MYH8: variants seen among roughly 807,000 people sequenced by gnomAD.
MYH8 encodes the protein myosin-8.
In MYH8, 168 loss-of-function variants were observed where a neutral mutation model predicts 233.2. The ratio of observed to expected loss-of-function variants is 0.72; its 90% CI spans 0.64 to 0.82. The LOEUF (loss-of-function observed/expected upper bound fraction) is 0.82. MYH8 is among the 40% of genes least tolerant of loss of function. The probability of loss-of-function intolerance (pLI) is 0.00; values close to 1 mark genes in which losing one functional copy is unlikely to be tolerated. For synonymous variants in MYH8, 785 were observed against 850.6 expected (o/e 0.92, Z 1.34); for missense variants, 1,995 against 2,327.8 (o/e 0.86, Z 2.94).
chr17:10,407,708 G>A (rs181259212), intron 17 of MYH8, among the ~76,000 whole-genome samples: 312 of 151,938 alleles, frequency 2.1e-3, no homozygotes, highest in African/African-American at 7.1e-3. Context: ...GTCTGGTGAC[G>A]GGTGCCTGTA....
intron 5 of MYH8, among the ~76,000 whole-genome samples, chr17:10,418,360 T>A (rs537820012): frequency 6.6e-6 from 1 of 152,320 alleles, no homozygotes; most frequent in Admixed American, 6.5e-5. Flanking sequence ...ACAATAAATA[T>A]GTTTACAGTG....
At chr17:10,414,958 C>T (rs1268668648) in intron 9 of MYH8, among the ~76,000 whole-genome samples, 158 bp downstream of exon 9, 1 of 152,200 alleles carries the variant, frequency 6.6e-6, no homozygotes, top group East Asian at 1.9e-4. Flanking sequence ...AAAGGGAGCA[C>T]TCAGTGGATT....
intron 14 of MYH8, among the ~76,000 whole-genome samples, chr17:10,411,226 A>T (rs374715967): frequency 6.6e-6 from 1 of 151,912 alleles, no homozygotes; most frequent in Non-Finnish European, 1.5e-5. Context: ...AATACAAAAA[A>T]TTATCTGGGT....
chr17:10,397,124 C>A, intron 30 of MYH8, 138 bp from the exon 31 acceptor site: 2 of 1,099,750 alleles, frequency 1.8e-6, no homozygotes, highest in South Asian at 1.5e-5. Context: ...CGCTCTGTCG[C>A]CCATGCTGGA....
intron 14 of MYH8, among the ~76,000 whole-genome samples, 178 bp downstream of exon 14, chr17:10,412,192 A>G (rs1388226502): frequency 6.6e-6 from 1 of 152,208 alleles, no homozygotes; most frequent in Non-Finnish European, 1.5e-5. Flanking sequence ...TGGCCCAGTG[A>G]GCGTTAGCTA....
Position 10,406,824 on chromosome 17 carries a change from G to T in MYH8, c.2054-17C>A. ...CCATTGCCCCTAAAAATATAGAACAGTACTTATTAGTGGGCATTTAACTTT... is the reference window on the plus strand; with the variant it reads ...CCATTGCCCCTAAAAATATAGAACATTACTTATTAGTGGGCATTTAACTTT... On this transcript the variant is annotated splice_polypyrimidine_tract_variant and intron_variant, in intron 18 of 39. Coordinates refer to ENST00000403437, the MANE Select transcript of MYH8 (RefSeq NM_002472.3). 6.2e-7 allele frequency: 1 copy of T among 1,612,752 alleles called. No homozygotes were observed. The highest frequency in any genetic ancestry group is 8.5e-7 in the Non-Finnish European group (1 of 1,178,784).
Position 10,394,271 on chromosome 17 carries a change from CGCTCACTG to C in MYH8, c.5136_5143del (p.Ser1713CysfsTer13), listed in dbSNP as rs1567681343. On this transcript the variant is annotated frameshift_variant, in exon 35 of 40. Coordinates refer to ENST00000403437, the MANE Select transcript of MYH8 (RefSeq NM_002472.3). LOFTEE classifies it high-confidence loss of function. ...CACCTGGGTGTGGAGGAGCTGGACACGCTCACTGGCATCCAGGAGCTCCTGTTCGGCGA... is the reference window on the plus strand; with the variant it reads ...CACCTGGGTGTGGAGGAGCTGGACACGCATCCAGGAGCTCCTGTTCGGCGA... 4 of 1,613,958 alleles carry C rather than the reference CGCTCACTG, an allele frequency of 2.5e-6. No homozygotes were observed. The Admixed American group carries it at 5.0e-5, about 20-fold the overall frequency.
At chr17:10,399,000 A>ATG in intron 28 of MYH8, 114 bp from the exon 29 acceptor site, 1 of 263,994 alleles carries the variant, frequency 3.8e-6, no homozygotes, top group Non-Finnish European at 6.8e-6. Context: ...GTGTGTATAT[A>ATG]TATATATATA....
chr17:10,408,816 G>A (rs1055744179), intron 17 of MYH8, among the ~76,000 whole-genome samples: 3 of 152,298 alleles, frequency 2.0e-5, no homozygotes, highest in African/African-American at 7.2e-5. Flanking sequence ...GGACAGCTTT[G>A]AAGTTTAGCT....
intron 20 of MYH8, 46 bp from the exon 21 acceptor site, chr17:10,406,223 G>A (rs779650126): frequency 2.5e-6 from 4 of 1,613,980 alleles, no homozygotes; most frequent in Non-Finnish European, 2.5e-6. Context: ...TGCAGGAGAT[G>A]CAGAAATGGC....
rs144477514 is a variant in MYH8, at chr17:10,413,934, C to T, written c.1115G>A (p.Arg372His). The change falls in exon 12 of 40, where the codon CGT becomes CAT. Residue 372 changes from arginine to histidine, a missense_variant. Arg to His is a conservative substitution (Grantham distance 29, BLOSUM62 0). Transcript: ENST00000403437. The part of the protein sequence containing the change: ...YGNMKFKQKQ[R>H]EEQAEPDGTE... Reference sequence around the variant, plus strand: ...GCCATCTGGCTCAGCTTGCTCCTCACGCTGCTTTTGCTTGAATTTCATGTT... The same window carrying T: ...GCCATCTGGCTCAGCTTGCTCCTCATGCTGCTTTTGCTTGAATTTCATGTT... 51 of 1,613,928 alleles carry T rather than the reference C, an allele frequency of 3.2e-5. No homozygotes were observed. Among genetic ancestry groups the T allele is most frequent in the East Asian group, 1.8e-4 (8 of 44,878 alleles).
At chr17:10,393,257 C>T (rs202102936) in intron 35 of MYH8, 47 bp from the exon 36 acceptor site, 18 of 1,613,148 alleles carry the variant, frequency 1.1e-5, no homozygotes, top group Admixed American at 5.0e-5. Flanking sequence ...AGTTTGCCCT[C>T]TTGGGATTTT....
At position 10,400,875 on chromosome 17, in the gene MYH8, C is replaced by T. The variant is rs748176514; in HGVS notation, c.3339G>A (p.Glu1113=). 1.2e-6 allele frequency: 2 copies of T among 1,613,854 alleles called. No homozygotes were observed. Among genetic ancestry groups the T allele is most frequent in the Non-Finnish European group, 1.7e-6 (2 of 1,180,018 alleles). Residue 1113 remains glutamate (E), a synonymous_variant, in exon 26 of 40, where the codon GAG becomes GAA. Transcript: ENST00000403437. This position sits in a 1 kb window ranked among gnomAD's most constrained non-coding sequence, Gnocchi z 4.0. The part of the protein sequence containing the change: ...VEIQLQKKIK[E]LQARIEELGE... Reference sequence around the variant, plus strand: ...TAGAGGTGAGATGACTCACCTGCAACTCTTTGATCTTCTTCTGTAGTTGAA... The same window carrying T: ...TAGAGGTGAGATGACTCACCTGCAATTCTTTGATCTTCTTCTGTAGTTGAA...
chr17:10,395,359 AT>A lies in MYH8; in HGVS notation c.4735del (p.Ile1579SerfsTer11). ...GTCAATTTCCTCATCCTTTTCTGCG[AT>A]TTTTCTATCAACTTCAGACTTGACT... is the stretch of plus-strand genomic sequence containing the variant. ...NQVKSEVDRK[I>X]AEKDEEIDQL... is the part of the protein sequence containing the mutation. On this transcript the variant is annotated frameshift_variant, in exon 34 of 40. Coordinates refer to ENST00000403437, the MANE Select transcript of MYH8 (RefSeq NM_002472.3). LOFTEE classifies it high-confidence loss of function. 1 of 1,613,960 alleles carries A rather than the reference AT, an allele frequency of 6.2e-7. No individual in the cohort carries two copies. The highest frequency in any genetic ancestry group is 1.1e-5 in the South Asian group (1 of 91,078).
chr17:10,420,884 C>CT (rs2072333212), intron 2 of MYH8, among the ~76,000 whole-genome samples: 1 of 152,090 alleles, frequency 6.6e-6, no homozygotes. Flanking sequence ...ATTCCAAAAT[C>CT]TTTTTTGACA....
At chr17:10,406,559 C>T (rs1425051843) in intron 19 of MYH8, 131 bp downstream of exon 19, 12 of 1,347,588 alleles carry the variant, frequency 8.9e-6, no homozygotes, top group Non-Finnish European at 1.3e-5. Context: ...TTTTCTGTTG[C>T]ATGCCTGCTT....
At position 10,419,042 on chromosome 17, in the gene MYH8, G is replaced by C. The variant is rs760307401; in HGVS notation, c.211-12C>G. The C allele has an allele frequency of 6.2e-7, 1 of 1,614,038 alleles. No individual in the cohort carries two copies. The highest frequency in any genetic ancestry group is 8.5e-7 in the Non-Finnish European group (1 of 1,179,972). On this transcript the variant is annotated splice_polypyrimidine_tract_variant and intron_variant, in intron 3 of 39. Transcript: ENST00000403437. The surrounding 1 kb of genome is among the most constrained non-coding windows in gnomAD (Gnocchi z 4.0). Reference sequence around the variant, plus strand: ...CTGACAGTTAGAGTCTGGTGAGTAAGCAAGAAACCAGTTCGTTTTTGTTTG... The same window carrying C: ...CTGACAGTTAGAGTCTGGTGAGTAACCAAGAAACCAGTTCGTTTTTGTTTG...
intron 17 of MYH8, among the ~76,000 whole-genome samples, chr17:10,407,724 A>C (rs918593739): frequency 1.3e-5 from 2 of 152,060 alleles, no homozygotes; most frequent in Non-Finnish European, 2.9e-5. Flanking sequence ...CTGTAATACC[A>C]GCTACTTGGG....
chr17:10,407,696 A>G (rs1228869387), intron 17 of MYH8, among the ~76,000 whole-genome samples: 8 of 151,892 alleles, frequency 5.3e-5, no homozygotes, highest in African/African-American at 1.9e-4. Flanking sequence ...AAAATTAGCC[A>G]GGTCTGGTGA....
Sources: gnomAD v4.1 joint callset for allele counts (sites outside exome capture counted in the v4.1 genomes callset) on GRCh38, gnomAD v4.1.1 for gene constraint, Gnocchi (gnomAD v3.1) non-coding constraint, MANE v1.5 for transcripts, NCBI Gene and HGNC (gene_info 2026-07-23, HGNC 2026-07-21) for gene names.